Variants in WDR49 observed in about 807,000 individuals in gnomAD.
WDR49 encodes the protein WD repeat domain 49.
Under a neutral mutation model 119.5 loss-of-function variants are expected in WDR49, and 107 were observed. The ratio of observed to expected loss-of-function variants is 0.90; its 90% CI spans 0.77 to 1.05. WDR49 has a LOEUF of 1.05. Among genes scored for constraint, WDR49 ranks in the 50% least tolerant of loss-of-function variants. The probability of loss-of-function intolerance (pLI) is 0.00; values close to 1 mark genes in which losing one functional copy is unlikely to be tolerated. For synonymous variants in WDR49, 425 were observed against 418.8 expected (o/e 1.01, Z -0.18); for missense variants, 1,240 against 1,220.5 (o/e 1.02, Z -0.24).
rs115518128 is a variant in WDR49 at position 167,481,235 on chromosome 3, T to G, written c.3032-2239A>C. Among the ~76,000 whole-genome samples, 694 of 152,270 alleles carry G rather than the reference T, an allele frequency of 4.6e-3. 4 individuals carry two copies. The highest frequency in any genetic ancestry group is 0.016 in the African/African-American group (672 of 41,560). On this transcript the variant is annotated intron_variant, in intron 18 of 18. Transcript: ENST00000682715. ...GAGCCACCACCAAAAAATATTGCCA[T>G]TGCACAAACATTGTTACCAAGCATT...
At chr3:167,655,247 C>A (rs144109457), upstream of WDR49, among the ~76,000 whole-genome samples, 509 of 152,234 alleles carry the variant, frequency 3.3e-3, no homozygotes, top group African/African-American at 0.012. Flanking sequence ...TATGGGGAAA[C>A]CGCCCCCTTG....
chr3:167,500,428 C>T, intron 17 of WDR49, 129 bp from the exon 18 acceptor site: 9 of 1,100,264 alleles, frequency 8.2e-6, no homozygotes, highest in Non-Finnish European at 1.2e-5. Flanking sequence ...TCAGCTGGTA[C>T]AGCTGCAGTG....
chr3:167,501,158 A>T (rs1466168164), intron 17 of WDR49, among the ~76,000 whole-genome samples: 1 of 152,208 alleles, frequency 6.6e-6, no homozygotes, highest in East Asian at 1.9e-4. Context: ...AATAAGTTCT[A>T]GTTGATGCTT....
intron 13 of WDR49, among the ~76,000 whole-genome samples, chr3:167,530,568 T>C (rs534321292): frequency 6.6e-6 from 1 of 151,756 alleles, no homozygotes; most frequent in East Asian, 1.9e-4. Context: ...TAACCAATAC[T>C]TAAAAAAAAA....
rs1481127912 is a variant in WDR49, at chr3:167,537,009, A to C, written c.1824-9T>G. 6 of 1,566,702 alleles carry C rather than the reference A, an allele frequency of 3.8e-6. No homozygotes were observed. The highest frequency in any genetic ancestry group is 5.2e-6 in the Non-Finnish European group (6 of 1,159,146). On this transcript the variant is annotated splice_polypyrimidine_tract_variant and intron_variant, in intron 10 of 18. Coordinates refer to ENST00000682715, the MANE Select transcript of WDR49 (RefSeq NM_001366157.1). The stretch of plus-strand genomic sequence containing the variant: ...GAAACACAGTAATAGCCCTAGCAAA[A>C]AGGATATAGAATTTAGCTGTGGATC...
intron 2 of WDR49, among the ~76,000 whole-genome samples, chr3:167,630,982 C>G (rs574895863): frequency 2.0e-4 from 30 of 152,130 alleles, no homozygotes; most frequent in African/African-American, 6.5e-4. Context: ...CACCACCACA[C>G]TTGGGGGCCA....
intron 3 of WDR49, among the ~76,000 whole-genome samples, chr3:167,623,115 A>C (rs538864944): frequency 7.9e-5 from 12 of 152,072 alleles, no homozygotes; most frequent in Admixed American, 2.0e-4. Flanking sequence ...GTTTCAAGGA[A>C]AATCATACCA....
chr3:167,591,902 T>A (rs541229111), intron 7 of WDR49, among the ~76,000 whole-genome samples: 1 of 152,210 alleles, frequency 6.6e-6, no homozygotes, highest in Non-Finnish European at 1.5e-5. Context: ...AATGCTATTA[T>A]TGACAAGTAA....
intron 18 of WDR49, among the ~76,000 whole-genome samples, chr3:167,485,615 T>A (rs1425304289): frequency 6.6e-6 from 1 of 152,006 alleles, no homozygotes; most frequent in African/African-American, 2.4e-5. Context: ...GATTTTATAA[T>A]ACAATTAGAA....
At chr3:167,615,327 G>T (rs1716542337) in intron 5 of WDR49, among the ~76,000 whole-genome samples, 1 of 151,610 alleles carries the variant, frequency 6.6e-6, no homozygotes, top group Non-Finnish European at 1.5e-5. Flanking sequence ...ATAGAGACAG[G>T]GTTTCACCAT....
chr3:167,534,978 C>T (rs1436555815), intron 11 of WDR49, among the ~76,000 whole-genome samples: 1 of 152,126 alleles, frequency 6.6e-6, no homozygotes, highest in Non-Finnish European at 1.5e-5. Flanking sequence ...ATGGACAATA[C>T]AAATAAAAGC....
At chr3:167,565,430 G>A (rs1713540131) in intron 8 of WDR49, among the ~76,000 whole-genome samples, 1 of 150,244 alleles carries the variant, frequency 6.7e-6, no homozygotes, top group East Asian at 2.0e-4. Flanking sequence ...TAAAATGCAT[G>A]TGTATATATG....
At chr3:167,646,974 T>C (rs1235921602) in intron 2 of WDR49, among the ~76,000 whole-genome samples, 1 of 152,168 alleles carries the variant, frequency 6.6e-6, no homozygotes, top group Non-Finnish European at 1.5e-5. Flanking sequence ...GTTTAGAGGA[T>C]TCCTATTTCT....
intron 18 of WDR49, among the ~76,000 whole-genome samples, chr3:167,484,322 G>A (rs748541345): frequency 4.6e-5 from 7 of 152,070 alleles, no homozygotes; most frequent in Non-Finnish European, 1.0e-4. Flanking sequence ...GGGAGGGATA[G>A]CATTAAGAGA....
upstream of WDR49, among the ~76,000 whole-genome samples, chr3:167,654,444 C>T (rs903513472): frequency 1.3e-5 from 2 of 152,044 alleles, no homozygotes; most frequent in Non-Finnish European, 2.9e-5. Context: ...ATTACTGGTT[C>T]AGCTAATAAT....
intron 7 of WDR49, among the ~76,000 whole-genome samples, chr3:167,582,106 C>T (rs1332366636): frequency 1.3e-5 from 2 of 151,286 alleles, no homozygotes; most frequent in South Asian, 2.1e-4. Context: ...AGTGCAGCAG[C>T]CCAGCTCACC....
intron 8 of WDR49, among the ~76,000 whole-genome samples, chr3:167,563,985 G>A (rs1713436211): frequency 6.6e-6 from 1 of 152,186 alleles, no homozygotes; most frequent in Admixed American, 6.5e-5. Context: ...TTGATTACCT[G>A]TTCAGGGTGG....
At chr3:167,511,950 T>C (rs552607784) in intron 16 of WDR49, among the ~76,000 whole-genome samples, 1 of 152,244 alleles carries the variant, frequency 6.6e-6, no homozygotes, top group East Asian at 1.9e-4. Flanking sequence ...TAGGCAGAAC[T>C]CTGATCTCTC....
At chr3:167,500,078 C>G in intron 18 of WDR49, 75 bp downstream of exon 18, 3 of 1,408,688 alleles carry the variant, frequency 2.1e-6, no homozygotes, top group Non-Finnish European at 2.8e-6. Context: ...TATTTTCATG[C>G]TCTTCTACTC....
Sources: gnomAD v4.1 joint callset for allele counts (sites outside exome capture counted in the v4.1 genomes callset) on GRCh38, gnomAD v4.1.1 for gene constraint, MANE v1.5 for transcripts, NCBI Gene and HGNC (gene_info 2026-07-23, HGNC 2026-07-21) for gene names.